NKAIN2: variants seen among roughly 807,000 people sequenced by gnomAD.
NKAIN2 encodes sodium/potassium transporting ATPase interacting 2, also known as sodium/potassium-transporting ATPase subunit beta-1-interacting protein 2.
In NKAIN2, 14 loss-of-function variants were observed where a neutral mutation model predicts 32.6. The observed-to-expected ratio is 0.43, with a 90% CI of 0.28 to 0.67. The LOEUF is 0.67. Among genes scored for constraint, NKAIN2 ranks in the 30% least tolerant of loss-of-function variants. The pLI, the probability that NKAIN2 is intolerant of heterozygous loss-of-function variation, is 0.17. For missense variants in NKAIN2, 198 were observed against 258.3 expected (o/e 0.77, Z 1.60); for synonymous variants, 80 against 87.2 (o/e 0.92, Z 0.46).
chr6:124,159,009 A>G (rs934868191), intron 1 of NKAIN2, among the ~76,000 whole-genome samples: 4 of 152,178 alleles, frequency 2.6e-5, no homozygotes, highest in Middle Eastern at 3.2e-3. Flanking sequence ...TATGACATAG[A>G]TGTAATGCTG....
intron 1 of NKAIN2, among the ~76,000 whole-genome samples, chr6:124,216,316 C>A (rs373986814): frequency 2.0e-5 from 3 of 152,080 alleles, no homozygotes; most frequent in Admixed American, 2.0e-4. Flanking sequence ...AAATTACAGT[C>A]AATTTTTATT....
chr6:123,905,406 A>G (rs149919586), intron 1 of NKAIN2, among the ~76,000 whole-genome samples: 1 of 152,282 alleles, frequency 6.6e-6, no homozygotes, highest in East Asian at 1.9e-4. Flanking sequence ...TTTGCTCGGA[A>G]GAGAACCACT....
intron 3 of NKAIN2, among the ~76,000 whole-genome samples, chr6:124,641,101 C>T (rs1349886440): frequency 2.0e-5 from 3 of 151,978 alleles, no homozygotes; most frequent in Admixed American, 6.6e-5. Flanking sequence ...TGTTGCTATT[C>T]GTACATATAA....
rs914699273 is a variant in NKAIN2 at position 124,195,965 on chromosome 6, A to G, written c.55-87040A>G. On this transcript the variant is annotated intron_variant, in intron 1 of 6. Transcript: ENST00000368417. Reference sequence around the variant, plus strand: ...ATATTAGCCCAATTTTCTCTAATACATACATTTAAAAAAATTTGTACTAAA... The same window carrying G: ...ATATTAGCCCAATTTTCTCTAATACGTACATTTAAAAAAATTTGTACTAAA... 5.3e-5 allele frequency among the ~76,000 whole-genome samples: 8 copies of G among 152,038 alleles called. No homozygotes were observed. The East Asian group carries it at 1.5e-3, about 29-fold the overall frequency.
chr6:124,243,386 T>G (rs542953909), intron 1 of NKAIN2, among the ~76,000 whole-genome samples: 46 of 152,040 alleles, frequency 3.0e-4, no homozygotes, highest in Non-Finnish European at 5.4e-4. Flanking sequence ...TCCTAGCTAC[T>G]TGGCAGGCTG....
At chr6:123,955,676 T>A (rs1777545815) in intron 1 of NKAIN2, among the ~76,000 whole-genome samples, 1 of 151,546 alleles carries the variant, frequency 6.6e-6, no homozygotes, top group East Asian at 1.9e-4. Context: ...CAAGCTGGAG[T>A]GCAGTGTGAT....
chr6:124,241,175 C>G (rs1179298959), intron 1 of NKAIN2, among the ~76,000 whole-genome samples: 2 of 152,088 alleles, frequency 1.3e-5, no homozygotes, highest in Non-Finnish European at 2.9e-5. Flanking sequence ...CCTAGAAATA[C>G]AACTTACAAG....
At chr6:123,943,319 C>T (rs1486491977) in intron 1 of NKAIN2, among the ~76,000 whole-genome samples, 2 of 152,028 alleles carry the variant, frequency 1.3e-5, no homozygotes, top group African/African-American at 4.8e-5. Context: ...ATATATACAG[C>T]TTGTTTTCAC....
At position 124,535,173 on chromosome 6, in the gene NKAIN2, G is replaced by A. The variant is rs183296794; in HGVS notation, c.274-123013G>A. 7.2e-5 allele frequency among the ~76,000 whole-genome samples: 11 copies of A among 152,290 alleles called. No individual in the cohort carries two copies. The East Asian group carries it at 2.1e-3, about 29-fold the overall frequency. On this transcript the variant is annotated intron_variant, in intron 3 of 6. Coordinates refer to ENST00000368417, the MANE Select transcript of NKAIN2 (RefSeq NM_001040214.3). ...TGCACCCATAGATGTGGAAGCCATG[G>A]ATAAGGAGGGCCAACTACACTTATT... is the stretch of plus-strand genomic sequence containing the variant.
chr6:124,054,919 T>C (rs1782580410), intron 1 of NKAIN2, among the ~76,000 whole-genome samples: 1 of 152,048 alleles, frequency 6.6e-6, no homozygotes, highest in Admixed American at 6.6e-5. Flanking sequence ...GTACCCTGAC[T>C]TATATAATGA....
At chr6:124,063,947 A>G (rs1783034236) in intron 1 of NKAIN2, among the ~76,000 whole-genome samples, 1 of 151,576 alleles carries the variant, frequency 6.6e-6, no homozygotes, top group Non-Finnish European at 1.5e-5. Flanking sequence ...TACTTATAAA[A>G]CATATAATTT....
intron 1 of NKAIN2, among the ~76,000 whole-genome samples, chr6:124,059,024 A>C (rs1224638960): frequency 6.6e-6 from 1 of 152,128 alleles, no homozygotes; most frequent in Non-Finnish European, 1.5e-5. Flanking sequence ...ATATTGGGCA[A>C]GCCAGTAGGT....
intron 1 of NKAIN2, among the ~76,000 whole-genome samples, chr6:124,055,385 A>G (rs1782596967): frequency 6.6e-6 from 1 of 152,086 alleles, no homozygotes; most frequent in Non-Finnish European, 1.5e-5. Flanking sequence ...TACTTTTATC[A>G]TAGACTGAAA....
At chr6:123,977,042 G>A in intron 1 of NKAIN2, among the ~76,000 whole-genome samples, 1 of 152,190 alleles carries the variant, frequency 6.6e-6, no homozygotes, top group African/African-American at 2.4e-5. Context: ...GGGCTGGAGT[G>A]CAATGGCACA....
intron 4 of NKAIN2, among the ~76,000 whole-genome samples, chr6:124,767,869 G>A (rs761189902): frequency 9.2e-5 from 14 of 151,994 alleles, no homozygotes; most frequent in Non-Finnish European, 1.9e-4. Flanking sequence ...TGCAATCTCT[G>A]GGAGAACAGA....
Position 124,019,615 on chromosome 6 carries a change from C to A in NKAIN2, c.54+215361C>A, listed in dbSNP as rs559378527. On this transcript the variant is annotated intron_variant, in intron 1 of 6. Transcript: ENST00000368417. ...TTTTTTTGCAAGAAAAAATATATTT[C>A]AGTAAAAACATAATAAATATTATGG... Among the ~76,000 whole-genome samples, 15 of 152,138 alleles carry A rather than the reference C, an allele frequency of 9.9e-5. No homozygotes were observed. In the South Asian group the frequency reaches 3.1e-3, roughly 32 times the overall value.
intron 3 of NKAIN2, among the ~76,000 whole-genome samples, chr6:124,478,496 TCACA>T (rs1046259209): frequency 1.3e-5 from 2 of 151,912 alleles, no homozygotes; most frequent in African/African-American, 2.4e-5. Flanking sequence ...ATGTACACAA[TCACA>T]CACACACGTG....
intron 4 of NKAIN2, among the ~76,000 whole-genome samples, chr6:124,683,887 A>G (rs1485770724): frequency 6.6e-6 from 1 of 152,210 alleles, no homozygotes. Context: ...CATATTGTGG[A>G]AAGTTGAGGC....
At chr6:124,252,158 C>T (rs954753057) in intron 1 of NKAIN2, among the ~76,000 whole-genome samples, 1 of 151,982 alleles carries the variant, frequency 6.6e-6, no homozygotes, top group Non-Finnish European at 1.5e-5. Flanking sequence ...CACAAATATA[C>T]ACCAAAAATG....
Sources: gnomAD v4.1 joint callset for allele counts (sites outside exome capture counted in the v4.1 genomes callset) on GRCh38, gnomAD v4.1.1 for gene constraint, MANE v1.5 for transcripts, NCBI Gene and HGNC (gene_info 2026-07-23, HGNC 2026-07-21) for gene names.